SHROOM3: variants seen among roughly 807,000 people sequenced by gnomAD.
The protein encoded by SHROOM3 is protein Shroom3.
In SHROOM3, 47 loss-of-function variants were observed where a neutral mutation model predicts 138.6. The observed-to-expected ratio is 0.34, with a 90% confidence interval of 0.27 to 0.43. SHROOM3 has a LOEUF of 0.43. SHROOM3 is among the 20% of genes least tolerant of loss of function. The probability of loss-of-function intolerance (pLI) is 1.00; values close to 1 mark genes in which losing one functional copy is unlikely to be tolerated. For missense variants in SHROOM3, 2,491 were observed against 2,596.5 expected (o/e 0.96, Z 0.88); for synonymous variants, 1,062 against 1,063.3 (o/e 1.00, Z 0.02).
Position 76,664,917 on chromosome 4 carries a change from G to A in SHROOM3, c.324-45239G>A, listed in dbSNP as rs1334232324. Reference sequence around the variant, plus strand: ...TGTAATCCTAGCACTTTGGTAGGCCGAGGTGGGCAGATCACTTGAGCCCAG... The same window carrying A: ...TGTAATCCTAGCACTTTGGTAGGCCAAGGTGGGCAGATCACTTGAGCCCAG... On this transcript the variant is annotated intron_variant, in intron 2 of 10. Transcript: ENST00000296043. This position sits in a 1 kb window ranked among gnomAD's most constrained non-coding sequence, Gnocchi z 4.2. 2.6e-5 allele frequency among the ~76,000 whole-genome samples: 4 copies of A among 152,130 alleles called. No individual in the cohort carries two copies. Among genetic ancestry groups the A allele is most frequent in the Admixed American group, 1.3e-4 (2 of 15,272 alleles).
intron 2 of SHROOM3, among the ~76,000 whole-genome samples, chr4:76,671,688 T>C (rs1034707348): frequency 6.6e-6 from 1 of 152,154 alleles, no homozygotes; most frequent in Non-Finnish European, 1.5e-5. Context: ...GGAAAAGAGA[T>C]GCACAATAAA....
At position 76,754,747 on chromosome 4, in the gene SHROOM3, C is replaced by T. The variant is rs1197334929; in HGVS notation, c.4264C>T (p.Leu1422=). The change falls in exon 7 of 11, where the codon CTG becomes TTG. Residue 1422 remains leucine, a synonymous_variant. Transcript: ENST00000296043. The part of the protein sequence containing the change: ...VEEGTRKRVS[L]PQWPPPSRAK... ...AGAGGGAACGAGGAAGAGGGTCTCG[C>T]TGCCTCAGTGGCCACCTCCTTCTCG... is the stretch of plus-strand genomic sequence containing the variant. The T allele has an allele frequency of 6.2e-7, 1 of 1,614,106 alleles. No individual in the cohort carries two copies. Among genetic ancestry groups the T allele is most frequent in the Non-Finnish European group, 8.5e-7 (1 of 1,180,028 alleles).
chr4:76,527,345 G>A (rs1732712724), intron 1 of SHROOM3, among the ~76,000 whole-genome samples: 1 of 152,218 alleles, frequency 6.6e-6, no homozygotes, highest in Non-Finnish European at 1.5e-5. Context: ...CACTTTGAGA[G>A]GCCAAGGCGG....
At chr4:76,529,236 G>A (rs1732778230) in intron 1 of SHROOM3, among the ~76,000 whole-genome samples, 1 of 152,172 alleles carries the variant, frequency 6.6e-6, no homozygotes, top group Non-Finnish European at 1.5e-5. Flanking sequence ...TTCTCTGGCT[G>A]GACCTGCCCT....
At chr4:76,770,994 T>C in intron 10 of SHROOM3, 96 bp downstream of exon 10, 1 of 1,502,978 alleles carries the variant, frequency 6.7e-7, no homozygotes, top group South Asian at 1.1e-5. Context: ...TCAGGAAGAT[T>C]TGTGGCAATC....
At chr4:76,639,662 G>A (rs1232265123) in intron 2 of SHROOM3, 1 of 398,328 alleles carries the variant, frequency 2.5e-6, no homozygotes, top group East Asian at 3.6e-5. Context: ...GGCTTCATGG[G>A]CCTGTGTTTC....
At chr4:76,508,727 A>T (rs1349932725) in intron 1 of SHROOM3, among the ~76,000 whole-genome samples, 2 of 152,152 alleles carry the variant, frequency 1.3e-5, no homozygotes, top group Non-Finnish European at 2.9e-5. Context: ...TTTTCTTTCA[A>T]CAATGTTTCA....
Position 76,741,104 on chromosome 4 carries a change from C to G in SHROOM3, c.2931C>G (p.Ala977=). 6.5e-7 allele frequency: 1 copy of G among 1,548,440 alleles called. No homozygotes were observed. Among genetic ancestry groups the G allele is most frequent in the South Asian group, 1.2e-5 (1 of 84,140 alleles). Residue 977 remains alanine, a synonymous_variant, in exon 5 of 11, where the codon GCC becomes GCG. Transcript: ENST00000296043. The surrounding 1 kb of genome is among the most constrained non-coding windows in gnomAD (Gnocchi z 6.2). The part of the protein sequence containing the change: ...GLRSPEASAS[A]SPHTPRERHS... ...GGAGCCCCGAGGCGTCGGCCTCCGC[C>G]TCCCCGCACACGCCCCGGGAGCGGC...
chr4:76,677,617 T>C (rs1719077059), intron 2 of SHROOM3, among the ~76,000 whole-genome samples: 2 of 152,228 alleles, frequency 1.3e-5, no homozygotes, highest in South Asian at 2.1e-4. Context: ...CCATGATTTT[T>C]GGTTTACCAT....
chr4:76,754,742 T>C lies in SHROOM3; in HGVS notation c.4259T>C (p.Val1420Ala), dbSNP rs1006106491. 3 of 1,613,838 alleles carry C rather than the reference T, an allele frequency of 1.9e-6. No homozygotes were observed. Among genetic ancestry groups the C allele is most frequent in the African/African-American group, 2.7e-5 (2 of 74,850 alleles). ...HGVEEGTRKR[V>A]SLPQWPPPSR... The stretch of plus-strand genomic sequence containing the variant: ...GTAGAAGAGGGAACGAGGAAGAGGG[T>C]CTCGCTGCCTCAGTGGCCACCTCCT... Residue 1420 changes from valine to alanine, a missense_variant, in exon 7 of 11, where the codon GTC (valine) becomes GCC (alanine). Transcript: ENST00000296043.
intron 1 of SHROOM3, among the ~76,000 whole-genome samples, chr4:76,551,018 T>G (rs1560542589): frequency 6.6e-6 from 1 of 151,534 alleles, no homozygotes; most frequent in Non-Finnish European, 1.5e-5. Context: ...GGATGAATTT[T>G]TTTTCGAGAC....
intron 1 of SHROOM3, among the ~76,000 whole-genome samples, chr4:76,534,540 A>AT (rs10682235): frequency 8.6e-5 from 13 of 151,756 alleles, no homozygotes; most frequent in African/African-American, 2.9e-4. Flanking sequence ...ATACAAAAAA[A>AT]GTAGTCTGAT....
intron 2 of SHROOM3, among the ~76,000 whole-genome samples, chr4:76,631,513 G>A (rs4337756): frequency 0.66 from 99,679 of 151,888 alleles, 33,351 homozygotes; most frequent in East Asian, 0.94. Flanking sequence ...ACACCTGGCC[G>A]CAAGGTGACT....
chr4:76,707,878 G>A (rs1464516719), intron 2 of SHROOM3, among the ~76,000 whole-genome samples: 1 of 152,028 alleles, frequency 6.6e-6, no homozygotes, highest in Non-Finnish European at 1.5e-5. Flanking sequence ...TGCTTGGTGT[G>A]CTGGTGATTC....
intron 3 of SHROOM3, among the ~76,000 whole-genome samples, chr4:76,721,179 C>T (rs903349404): frequency 1.3e-5 from 2 of 150,550 alleles, no homozygotes; most frequent in Admixed American, 1.3e-4. Context: ...GGCGTAGTGG[C>T]GGGCGCCTGT....
At chr4:76,671,692 C>T (rs1206124190) in intron 2 of SHROOM3, among the ~76,000 whole-genome samples, 1 of 152,078 alleles carries the variant, frequency 6.6e-6, no homozygotes, top group Non-Finnish European at 1.5e-5. Flanking sequence ...AAGAGATGCA[C>T]AATAAAACAT....
At chr4:76,672,983 T>C (rs185060608) in intron 2 of SHROOM3, among the ~76,000 whole-genome samples, 160 of 152,330 alleles carry the variant, frequency 1.1e-3, no homozygotes, top group African/African-American at 3.6e-3. Flanking sequence ...AAAGGGAGCA[T>C]ACATCAAAAC....
chr4:76,614,134 C>A (rs973476775), intron 2 of SHROOM3, among the ~76,000 whole-genome samples: 1 of 152,194 alleles, frequency 6.6e-6, no homozygotes, highest in Non-Finnish European at 1.5e-5. Flanking sequence ...CGGCTCACTG[C>A]AAGCTCCGCC....
chr4:76,593,660 T>G (rs964248791), intron 2 of SHROOM3, among the ~76,000 whole-genome samples: 4 of 152,238 alleles, frequency 2.6e-5, no homozygotes, highest in African/African-American at 9.6e-5. Flanking sequence ...ACTTGACTTC[T>G]AAGATCCCTT....
Sources: gnomAD v4.1 joint callset for allele counts (sites outside exome capture counted in the v4.1 genomes callset) on GRCh38, gnomAD v4.1.1 for gene constraint, Gnocchi (gnomAD v3.1) non-coding constraint, MANE v1.5 for transcripts, NCBI Gene and HGNC (gene_info 2026-07-23, HGNC 2026-07-21) for gene names.